Variants in ATRNL1 observed in about 807,000 individuals in gnomAD.
ATRNL1 encodes the protein attractin-like protein 1.
Under a neutral mutation model 182.7 loss-of-function variants are expected in ATRNL1, and 95 were observed. The ratio of observed to expected loss-of-function variants is 0.52; its 90% CI spans 0.44 to 0.62. The LOEUF is 0.62. Among genes scored for constraint, ATRNL1 ranks in the 20% least tolerant of loss-of-function variants. The probability of loss-of-function intolerance (pLI) is 0.00; values close to 1 mark genes in which losing one functional copy is unlikely to be tolerated. For missense variants in ATRNL1, 1,471 were observed against 1,679.5 expected (o/e 0.88, Z 2.17); for synonymous variants, 576 against 568.3 (o/e 1.01, Z -0.19).
intron 25 of ATRNL1, among the ~76,000 whole-genome samples, chr10:115,522,580 G>A (rs1340378696): frequency 1.3e-5 from 2 of 152,044 alleles, no homozygotes; most frequent in Non-Finnish European, 2.9e-5. Flanking sequence ...TTCTATCCCT[G>A]GCCCCTCAAA....
chr10:115,501,829 G>C (rs1554980167), intron 24 of ATRNL1, among the ~76,000 whole-genome samples: 1 of 152,082 alleles, frequency 6.6e-6, no homozygotes, highest in East Asian at 1.9e-4. Flanking sequence ...GTTAATTCCT[G>C]TTCTGCTTGA....
chr10:115,162,795 G>T (rs1846855064), intron 6 of ATRNL1, among the ~76,000 whole-genome samples: 1 of 151,492 alleles, frequency 6.6e-6, no homozygotes, highest in South Asian at 2.1e-4. Flanking sequence ...AATGACTGGT[G>T]AGATAGGAAA....
intron 27 of ATRNL1, among the ~76,000 whole-genome samples, chr10:115,836,744 G>A (rs1950682934): frequency 2.0e-5 from 3 of 152,128 alleles, no homozygotes; most frequent in Admixed American, 6.6e-5. Flanking sequence ...TCCAAAAGAG[G>A]TCACATTCTG....
chr10:115,542,993 C>T lies in ATRNL1; in HGVS notation c.3717-6465C>T, dbSNP rs138349150. Among the ~76,000 whole-genome samples the T allele has an allele frequency of 2.5e-3, 380 of 152,190 alleles. 1 individual carries two copies. The highest frequency in any genetic ancestry group is 8.8e-3 in the African/African-American group (366 of 41,524). ...AACTTCATTTAAACCTAATTATGTC[C>T]TAAAGGCCCTGTCTTCAAATACAGC... On this transcript the variant is annotated intron_variant, in intron 25 of 28. Transcript: ENST00000355044.
At chr10:115,627,520 G>A (rs191631215) in intron 26 of ATRNL1, among the ~76,000 whole-genome samples, 7 of 151,880 alleles carry the variant, frequency 4.6e-5, no homozygotes, top group Non-Finnish European at 8.8e-5. Flanking sequence ...ACACACAACC[G>A]CGCCTGGCTA....
chr10:115,929,135 CT>C (rs1352579183), intron 28 of ATRNL1, among the ~76,000 whole-genome samples: 1 of 151,900 alleles, frequency 6.6e-6, no homozygotes, highest in African/African-American at 2.4e-5. Context: ...GAAATTTCAA[CT>C]TTTTATATTG....
chr10:115,360,807 T>C lies in ATRNL1; in HGVS notation c.3175+26388T>C, dbSNP rs143088164. 3.7e-3 allele frequency among the ~76,000 whole-genome samples: 569 copies of C among 152,060 alleles called. 3 individuals are homozygous for C. The highest frequency in any genetic ancestry group is 6.0e-3 in the Admixed American group (92 of 15,228). ...GTAATTTCCCAACTCTTTCATTTTG[T>C]TTAATGTCATTTGACATTTTTTAGG... On this transcript the variant is annotated intron_variant, in intron 19 of 28. Transcript: ENST00000355044.
intron 26 of ATRNL1, among the ~76,000 whole-genome samples, chr10:115,726,462 A>AT (rs1373486031): frequency 7.9e-5 from 12 of 152,156 alleles, no homozygotes; most frequent in East Asian, 3.8e-4. Flanking sequence ...CTGGTCATCA[A>AT]TTTTTTTATC....
chr10:115,204,095 A>T (rs935352032), intron 8 of ATRNL1, among the ~76,000 whole-genome samples: 37 of 151,738 alleles, frequency 2.4e-4, no homozygotes, highest in African/African-American at 8.7e-4. Flanking sequence ...TCTTTTTCAG[A>T]TAGTTTCATT....
intron 8 of ATRNL1, among the ~76,000 whole-genome samples, chr10:115,194,492 A>G (rs1029613494): frequency 2.6e-5 from 4 of 151,714 alleles, no homozygotes; most frequent in African/African-American, 4.8e-5. Context: ...TTTATGTGAT[A>G]CAAGTATAGC....
chr10:115,864,711 G>A (rs1184395915), intron 28 of ATRNL1, among the ~76,000 whole-genome samples: 3 of 152,128 alleles, frequency 2.0e-5, no homozygotes, highest in Admixed American at 6.5e-5. Flanking sequence ...GGCCGGGCGC[G>A]GTGGCTCACG....
intron 26 of ATRNL1, among the ~76,000 whole-genome samples, chr10:115,569,456 A>C (rs1854262735): frequency 6.6e-6 from 1 of 152,154 alleles, no homozygotes; most frequent in South Asian, 2.1e-4. Context: ...GTTTTACCAC[A>C]TTATTTTCCT....
chr10:115,457,621 T>G (rs1198392088), intron 21 of ATRNL1, among the ~76,000 whole-genome samples: 2 of 152,062 alleles, frequency 1.3e-5, no homozygotes, highest in Non-Finnish European at 2.9e-5. Flanking sequence ...TCATCCTCCA[T>G]TCTCTTTCTC....
At chr10:115,456,512 G>T (rs10885718) in intron 21 of ATRNL1, among the ~76,000 whole-genome samples, 1 of 151,890 alleles carries the variant, frequency 6.6e-6, no homozygotes, top group Non-Finnish European at 1.5e-5. Context: ...GAAGAATAGC[G>T]TTAGGAGAAA....
At chr10:115,214,114 G>A (rs1256304181) in intron 8 of ATRNL1, among the ~76,000 whole-genome samples, 2 of 151,064 alleles carry the variant, frequency 1.3e-5, no homozygotes, top group African/African-American at 4.9e-5. Flanking sequence ...TGTGTTTTAT[G>A]TATACGAAAA....
intron 28 of ATRNL1, among the ~76,000 whole-genome samples, chr10:115,935,986 A>G (rs1449554941): frequency 3.3e-5 from 5 of 152,180 alleles, no homozygotes; most frequent in Non-Finnish European, 5.9e-5. Flanking sequence ...CTGCACACAG[A>G]ATCCCCTCAC....
At chr10:115,165,799 C>T (rs1847013577) in intron 7 of ATRNL1, among the ~76,000 whole-genome samples, 154 bp downstream of exon 7, 1 of 151,994 alleles carries the variant, frequency 6.6e-6, no homozygotes, top group South Asian at 2.1e-4. Context: ...TACTCTTATG[C>T]TTTTAGTAAA....
At chr10:115,210,674 G>C (rs973679266) in intron 8 of ATRNL1, among the ~76,000 whole-genome samples, 1 of 151,600 alleles carries the variant, frequency 6.6e-6, no homozygotes, top group Non-Finnish European at 1.5e-5. Flanking sequence ...CTTGCTTCCT[G>C]TGGGTTATGT....
At chr10:115,559,588 A>T (rs558556399) in intron 26 of ATRNL1, among the ~76,000 whole-genome samples, 1 of 152,212 alleles carries the variant, frequency 6.6e-6, no homozygotes, top group Non-Finnish European at 1.5e-5. Flanking sequence ...TTTAGCATAC[A>T]TATTGCCTAG....
Sources: allele counts gnomAD v4.1 joint callset (sites outside exome capture counted in the v4.1 genomes callset), GRCh38; gene constraint gnomAD v4.1.1; transcripts MANE v1.5; gene names NCBI Gene and HGNC (gene_info 2026-07-23, HGNC 2026-07-21).